The following RPS6KA5 variants were observed in gnomAD, a reference collection of about 807,000 sequenced individuals.
The protein encoded by RPS6KA5 is ribosomal protein S6 kinase alpha-5.
A neutral mutation model predicts 85.5 loss-of-function variants in RPS6KA5; 27 were observed. That is an observed-to-expected ratio of 0.32 (90% CI 0.23 to 0.44). RPS6KA5 has a LOEUF of 0.44. Ranked by LOEUF, RPS6KA5 falls within the 20% of genes least tolerant of loss-of-function variation. RPS6KA5 has a pLI of 1.00. For missense variants in RPS6KA5, 811 were observed against 980.9 expected, an observed-to-expected ratio of 0.83 and a Z score of 2.31; for synonymous variants, 334 against 348.2, an observed-to-expected ratio of 0.96 and a Z score of 0.46.
chr14:90,894,127 AT>A, intron 13 of RPS6KA5: 1 of 1,046,176 alleles, frequency 9.6e-7, no homozygotes, highest in Non-Finnish European at 1.2e-6. Flanking sequence ...TTCCATTGCT[AT>A]TTTTAGTCCA....
intron 13 of RPS6KA5, 125 bp downstream of exon 13, chr14:90,894,288 T>C: frequency 7.7e-7 from 1 of 1,298,272 alleles, no homozygotes. Flanking sequence ...TATTTTCAAT[T>C]ATCTATTTAA....
chr14:90,894,568 C>G lies in RPS6KA5; in HGVS notation c.1489G>C (p.Val497Leu), dbSNP rs2034732785. The G allele has an allele frequency of 6.2e-7, 1 of 1,613,964 alleles. No individual in the cohort carries two copies. The highest frequency in any genetic ancestry group is 1.1e-5 in the South Asian group (1 of 91,082). Reference sequence around the variant, plus strand: ...TCTCCTCCATTCAGAAGTTCCATCACTAGAAACGTGTGAAGCTAGAAAAGA... The same window carrying G: ...TCTCCTCCATTCAGAAGTTCCATCAGTAGAAACGTGTGAAGCTAGAAAAGA... ...VFHDQLHTFL[V>L]MELLNGGELF... The change falls in exon 13 of 17, where the codon GTG becomes CTG. Residue 497 changes from valine (V) to leucine (L), a missense_variant. Val to Leu is a conservative substitution (Grantham distance 32). Transcript: ENST00000614987.
intron 15 of RPS6KA5, among the ~76,000 whole-genome samples, 169 bp downstream of exon 15, chr14:90,875,032 A>ACC (rs2033361893): frequency 6.6e-6 from 1 of 152,192 alleles, no homozygotes; most frequent in African/African-American, 2.4e-5. Context: ...TACCATTACT[A>ACC]AAGAGAATGT....
intron 1 of RPS6KA5, among the ~76,000 whole-genome samples, chr14:91,010,072 G>T (rs1233243055): frequency 6.7e-6 from 1 of 149,356 alleles, no homozygotes; most frequent in Non-Finnish European, 1.5e-5. Context: ...AATAGGGGAA[G>T]AATGAGAAAA....
chr14:91,053,366 G>A (rs571680140), intron 1 of RPS6KA5, among the ~76,000 whole-genome samples: 30 of 152,186 alleles, frequency 2.0e-4, no homozygotes, highest in Non-Finnish European at 3.5e-4. Context: ...AGGCAATTAA[G>A]CAGGAAATTG....
In RPS6KA5 at chr14:91,060,521, G is replaced by A; in HGVS notation, c.-87C>T. 2 of 1,238,226 alleles carry A rather than the reference G, an allele frequency of 1.6e-6. No homozygotes were observed. 76.7% of individuals were successfully genotyped at this position (1,238,226 alleles called of 1,614,324 possible). ...CCGTCCCCTCGCAGCCGCTGCCGCGGCCCCAGGAGTCGGGGTGCGGCGGCT... is the reference window on the plus strand; with the variant it reads ...CCGTCCCCTCGCAGCCGCTGCCGCGACCCCAGGAGTCGGGGTGCGGCGGCT... On this transcript the variant is annotated 5_prime_UTR_variant, in exon 1 of 17. Coordinates refer to ENST00000614987, the MANE Select transcript of RPS6KA5 (RefSeq NM_004755.4).
At chr14:90,883,794 G>C (rs1387099973) in intron 14 of RPS6KA5, among the ~76,000 whole-genome samples, 1 of 152,072 alleles carries the variant, frequency 6.6e-6, no homozygotes, top group African/African-American at 2.4e-5. Flanking sequence ...TTTTGTGTTT[G>C]TTTTTGTTTA....
intron 6 of RPS6KA5, among the ~76,000 whole-genome samples, chr14:90,922,870 C>G (rs747590547): frequency 1.3e-5 from 2 of 152,046 alleles, no homozygotes; most frequent in Non-Finnish European, 1.5e-5. Flanking sequence ...AAACACAATT[C>G]TCACCAATAA....
At chr14:91,035,829 T>C (rs797010801) in intron 1 of RPS6KA5, among the ~76,000 whole-genome samples, 12 of 122,192 alleles carry the variant, frequency 9.8e-5, no homozygotes, top group African/African-American at 4.0e-4. Context: ...GCATTTCAGC[T>C]GATGAAACCC....
chr14:90,956,818 T>C (rs1238747719), intron 3 of RPS6KA5, among the ~76,000 whole-genome samples: 2 of 152,040 alleles, frequency 1.3e-5, no homozygotes, highest in Non-Finnish European at 2.9e-5. Flanking sequence ...TTTTGTGCTA[T>C]TATTGTAACA....
intron 14 of RPS6KA5, among the ~76,000 whole-genome samples, chr14:90,877,313 G>A (rs145504934): frequency 2.0e-5 from 3 of 152,294 alleles, no homozygotes; most frequent in African/African-American, 4.8e-5. Flanking sequence ...ATGTCAGAAC[G>A]TCTGTAGAAG....
intron 2 of RPS6KA5, among the ~76,000 whole-genome samples, chr14:91,000,493 A>G (rs1291727375): frequency 6.6e-6 from 1 of 152,170 alleles, no homozygotes; most frequent in Non-Finnish European, 1.5e-5. Context: ...AATGTTAGTG[A>G]TTTTTTAAAA....
intron 1 of RPS6KA5, among the ~76,000 whole-genome samples, chr14:91,021,563 C>T (rs1232612477): frequency 6.6e-6 from 1 of 152,176 alleles, no homozygotes; most frequent in African/African-American, 2.4e-5. Flanking sequence ...CAGACACATG[C>T]CACCATGCCT....
chr14:91,001,518 T>G (rs571553352), intron 1 of RPS6KA5, among the ~76,000 whole-genome samples: 1 of 152,178 alleles, frequency 6.6e-6, no homozygotes, highest in Non-Finnish European at 1.5e-5. Context: ...AGAAGATGTA[T>G]TTATGATTCG....
chr14:91,015,141 T>A (rs778570860), intron 1 of RPS6KA5, among the ~76,000 whole-genome samples: 22 of 152,238 alleles, frequency 1.4e-4, no homozygotes, highest in Non-Finnish European at 2.4e-4. Context: ...CAGAGGTTTT[T>A]AAGATTTACT....
chr14:91,034,882 A>C (rs2042336567), intron 1 of RPS6KA5, among the ~76,000 whole-genome samples: 1 of 152,146 alleles, frequency 6.6e-6, no homozygotes. Context: ...ATTCTGCTTT[A>C]AGTCAATCCA....
chr14:90,974,299 T>A (rs2039464561), intron 3 of RPS6KA5, among the ~76,000 whole-genome samples: 1 of 152,188 alleles, frequency 6.6e-6, no homozygotes. Flanking sequence ...TCCCAATTAC[T>A]ACTAGAATTC....
intron 1 of RPS6KA5, among the ~76,000 whole-genome samples, chr14:91,018,790 G>A (rs1027316073): frequency 5.3e-5 from 8 of 151,982 alleles, no homozygotes; most frequent in Admixed American, 6.6e-5. Flanking sequence ...CTTGCAAGAC[G>A]GCCTATCGTG....
At chr14:90,969,873 T>C (rs1595366007) in intron 3 of RPS6KA5, among the ~76,000 whole-genome samples, 3 of 152,242 alleles carry the variant, frequency 2.0e-5, no homozygotes, top group African/African-American at 7.2e-5. Flanking sequence ...TCTCTCTCTC[T>C]GCACTGTTAC....
Sources: allele counts gnomAD v4.1 joint callset (sites outside exome capture counted in the v4.1 genomes callset), GRCh38; gene constraint gnomAD v4.1.1; transcripts MANE v1.5; gene names NCBI Gene and HGNC (gene_info 2026-07-23, HGNC 2026-07-21).